The following ZNF423 variants were observed in gnomAD, a reference collection of about 807,000 sequenced individuals.
The protein encoded by ZNF423 is zinc finger protein 423.
Under a neutral mutation model 95.8 loss-of-function variants are expected in ZNF423, and 12 were observed. The ratio of observed to expected loss-of-function variants is 0.13; its 90% CI spans 0.08 to 0.20. The LOEUF (loss-of-function observed/expected upper bound fraction) is 0.20. Among genes scored for constraint, ZNF423 ranks in the 10% least tolerant of loss-of-function variants. ZNF423 has a pLI of 1.00. For synonymous variants in ZNF423, 749 were observed against 711.9 expected (o/e 1.05, Z -0.83); for missense variants, 1,316 against 1,737.1 (o/e 0.76, Z 4.31).
intron 1 of ZNF423, chr16:49,853,750 G>A (rs2035327070): frequency 9.1e-6 from 9 of 985,248 alleles, no homozygotes; most frequent in African/African-American, 7.0e-5. Flanking sequence ...GATCCACAGA[G>A]TGGTTTTAGA....
intron 5 of ZNF423, among the ~76,000 whole-genome samples, chr16:49,568,099 A>G (rs1369843056): frequency 3.3e-5 from 5 of 152,208 alleles, no homozygotes; most frequent in Non-Finnish European, 5.9e-5. Context: ...AGGGATGAGC[A>G]TGTGACTAAG....
At chr16:49,830,191 A>T (rs2144053519) in intron 1 of ZNF423, among the ~76,000 whole-genome samples, 1 of 152,314 alleles carries the variant, frequency 6.6e-6, no homozygotes, top group South Asian at 2.1e-4. Context: ...GTCCAGAAGA[A>T]GGAGAAGGAG....
chr16:49,616,419 C>T (rs146762901), intron 5 of ZNF423, among the ~76,000 whole-genome samples: 1 of 152,096 alleles, frequency 6.6e-6, no homozygotes, highest in Non-Finnish European at 1.5e-5. Flanking sequence ...GATAGCACAA[C>T]AGGGTGACTA....
intron 1 of ZNF423, among the ~76,000 whole-genome samples, chr16:49,849,597 C>T (rs925503296): frequency 6.6e-6 from 1 of 152,070 alleles, no homozygotes; most frequent in East Asian, 1.9e-4. Context: ...TTTGACTTGT[C>T]ACAATTGAAA....
intron 5 of ZNF423, among the ~76,000 whole-genome samples, chr16:49,601,683 A>G (rs912264513): frequency 1.3e-5 from 2 of 152,218 alleles, no homozygotes; most frequent in African/African-American, 4.8e-5. Context: ...TCTGCGCTGC[A>G]CAGCAAGTGA....
chr16:49,814,692 T>TA (rs35483464), intron 1 of ZNF423, among the ~76,000 whole-genome samples: 2,719 of 141,816 alleles, frequency 0.019, 41 homozygotes, highest in Middle Eastern at 0.026. Context: ...GCCACTATTG[T>TA]AAAAAAAAAA....
chr16:49,853,142 C>CAAAAT (rs973316141), intron 1 of ZNF423, among the ~76,000 whole-genome samples: 12 of 152,016 alleles, frequency 7.9e-5, no homozygotes, highest in African/African-American at 2.2e-4. Flanking sequence ...GCAGTGGAGG[C>CAAAAT]AAAATAAAAT....
At chr16:49,578,685 C>T (rs888743205) in intron 5 of ZNF423, among the ~76,000 whole-genome samples, 1 of 152,232 alleles carries the variant, frequency 6.6e-6, no homozygotes, top group Non-Finnish European at 1.5e-5. Flanking sequence ...GCATGGGCTC[C>T]CACAGTAGGC....
At chr16:49,711,479 T>C (rs1461043293) in intron 3 of ZNF423, 2 of 152,248 alleles carry the variant, frequency 1.3e-5, no homozygotes, top group Non-Finnish European at 2.9e-5. Flanking sequence ...TCATTCATTT[T>C]TTAATCAAAA....
chr16:49,838,543 G>C (rs953340029), intron 1 of ZNF423, among the ~76,000 whole-genome samples: 1 of 152,256 alleles, frequency 6.6e-6, no homozygotes, highest in East Asian at 1.9e-4. Context: ...CCAAAGCGGA[G>C]GCCCGATCGG....
At chr16:49,724,033 A>C (rs990147070) in intron 3 of ZNF423, among the ~76,000 whole-genome samples, 1 of 152,138 alleles carries the variant, frequency 6.6e-6, no homozygotes, top group Admixed American at 6.5e-5. Context: ...CAGCACATCC[A>C]TTTCTAAACA....
At position 49,548,703 on chromosome 16, in the gene ZNF423, C is replaced by G. The variant is rs143533890; in HGVS notation, c.3602-23209G>C. ...GCCTTCGGGGAAGCACAAAGCCTTC[C>G]CCTGACATCGAACCAATGACCTTGC... On this transcript the variant is annotated intron_variant, in intron 5 of 7. Coordinates refer to ENST00000563137, the MANE Select transcript of ZNF423 (RefSeq NM_001379286.1). Among the ~76,000 whole-genome samples, 363 of 152,250 alleles carry G rather than the reference C, an allele frequency of 2.4e-3. 4 individuals are homozygous for G. Among genetic ancestry groups the G allele is most frequent in the African/African-American group, 7.9e-3 (327 of 41,536 alleles).
chr16:49,812,812 G>A (rs2034774774), intron 1 of ZNF423, among the ~76,000 whole-genome samples: 1 of 152,186 alleles, frequency 6.6e-6, no homozygotes, highest in South Asian at 2.1e-4. Flanking sequence ...GTGTTGGGGA[G>A]GGGAGATAAA....
At chr16:49,627,123 C>T (rs555876673) in intron 4 of ZNF423, among the ~76,000 whole-genome samples, 1 of 147,432 alleles carries the variant, frequency 6.8e-6, no homozygotes, top group Non-Finnish European at 1.5e-5. Context: ...TCTACCCATC[C>T]ATTCATCTAC....
At chr16:49,854,305 C>A (rs1220111255) in intron 1 of ZNF423, 1 of 985,380 alleles carries the variant, frequency 1.0e-6, no homozygotes, top group Non-Finnish European at 1.2e-6. Flanking sequence ...TCTAATATGA[C>A]GGGGAGGATC....
intron 7 of ZNF423, among the ~76,000 whole-genome samples, chr16:49,501,757 C>T (rs1967411770): frequency 6.6e-6 from 1 of 152,126 alleles, no homozygotes; most frequent in Non-Finnish European, 1.5e-5. Flanking sequence ...AGCCATTATC[C>T]TAAGTGAACT....
At chr16:49,743,000 C>T (rs539854470) in intron 2 of ZNF423, among the ~76,000 whole-genome samples, 1 of 152,274 alleles carries the variant, frequency 6.6e-6, no homozygotes, top group South Asian at 2.1e-4. Flanking sequence ...TGGGCCTCAG[C>T]TGCCCCATCT....
At chr16:49,806,040 G>T (rs925719271) in intron 1 of ZNF423, among the ~76,000 whole-genome samples, 1 of 152,230 alleles carries the variant, frequency 6.6e-6, no homozygotes. Context: ...TAATCTCCTC[G>T]TTCATACATG....
At chr16:49,713,108 G>A (rs1279565240) in intron 3 of ZNF423, among the ~76,000 whole-genome samples, 1 of 152,208 alleles carries the variant, frequency 6.6e-6, no homozygotes, top group Admixed American at 6.5e-5. Context: ...ATCATCTGTG[G>A]CCTTACAGAG....
Sources: gnomAD v4.1 joint callset for allele counts (sites outside exome capture counted in the v4.1 genomes callset) on GRCh38, gnomAD v4.1.1 for gene constraint, MANE v1.5 for transcripts, NCBI Gene and HGNC (gene_info 2026-07-23, HGNC 2026-07-21) for gene names.